Variants in WDPCP observed in about 807,000 individuals in gnomAD.
The protein encoded by WDPCP is WD repeat containing planar cell polarity effector.
Under a neutral mutation model 93.1 loss-of-function variants are expected in WDPCP, and 71 were observed. The ratio of observed to expected loss-of-function variants is 0.76; its 90% confidence interval spans 0.63 to 0.93. The LOEUF is 0.93. Among genes scored for constraint, WDPCP ranks in the 40% least tolerant of loss-of-function variants. The pLI is 0.00. For missense variants in WDPCP, 844 were observed against 887.4 expected (o/e 0.95, Z 0.62); for synonymous variants, 315 against 315.0 (o/e 1.00, Z 0.00).
chr2:63,275,916 T>G (rs756711907), intron 13 of WDPCP, among the ~76,000 whole-genome samples: 10 of 147,828 alleles, frequency 6.8e-5, no homozygotes, highest in Non-Finnish European at 3.0e-5. Context: ...CAAGAACTAC[T>G]GCAAGAACAT....
At chr2:63,648,256 C>T (rs1338709091) in intron 3 of WDPCP, among the ~76,000 whole-genome samples, 1 of 152,176 alleles carries the variant, frequency 6.6e-6, no homozygotes, top group African/African-American at 2.4e-5. Context: ...TCCTCACTAT[C>T]TAGCCACTCT....
chr2:63,755,201 T>C (rs983762868), intron 2 of WDPCP, among the ~76,000 whole-genome samples: 5 of 152,208 alleles, frequency 3.3e-5, no homozygotes, highest in African/African-American at 1.2e-4. Flanking sequence ...TCTTGTTCGT[T>C]ACACAGGTCT....
At chr2:63,216,771 T>C (rs1677389843) in intron 14 of WDPCP, among the ~76,000 whole-genome samples, 1 of 151,972 alleles carries the variant, frequency 6.6e-6, no homozygotes, top group Non-Finnish European at 1.5e-5. Flanking sequence ...CCAAACTTAA[T>C]TTTTTTCCTA....
chr2:63,358,679 A>G (rs973899558), intron 12 of WDPCP, among the ~76,000 whole-genome samples: 2 of 152,216 alleles, frequency 1.3e-5, no homozygotes, highest in African/African-American at 4.8e-5. Flanking sequence ...CTGGTCTTGA[A>G]CTAGTTGCCT....
intron 3 of WDPCP, among the ~76,000 whole-genome samples, chr2:63,627,427 C>T (rs1482268856): frequency 2.0e-5 from 3 of 152,228 alleles, no homozygotes; most frequent in African/African-American, 2.4e-5. Context: ...CAGAAAAGGG[C>T]GGGGTCCCTT....
chr2:63,507,252 G>A (rs1462707249), intron 1 of WDPCP, among the ~76,000 whole-genome samples: 2 of 151,412 alleles, frequency 1.3e-5, no homozygotes, highest in Non-Finnish European at 1.5e-5. Flanking sequence ...AAAGTTTGCA[G>A]AGAAGGAAAA....
chr2:63,540,750 G>T (rs1218684665), intron 1 of WDPCP, among the ~76,000 whole-genome samples: 4 of 151,514 alleles, frequency 2.6e-5, no homozygotes, highest in Non-Finnish European at 4.4e-5. Context: ...TGGTTTTTTT[G>T]TTTGTTTGTT....
chr2:63,331,960 A>G (rs1203324623), intron 12 of WDPCP, among the ~76,000 whole-genome samples: 2 of 151,860 alleles, frequency 1.3e-5, no homozygotes, highest in East Asian at 3.9e-4. Context: ...TTGTTTATAC[A>G]TTTACCAACT....
intron 17 of WDPCP, among the ~76,000 whole-genome samples, chr2:63,143,161 C>T (rs543143270): frequency 2.6e-5 from 4 of 152,190 alleles, no homozygotes; most frequent in South Asian, 2.1e-4. Flanking sequence ...AGGTTTTTAC[C>T]ATTATATAAT....
chr2:63,824,926 T>A (rs1671090033), intron 1 of WDPCP, among the ~76,000 whole-genome samples: 1 of 152,140 alleles, frequency 6.6e-6, no homozygotes, highest in Admixed American at 6.5e-5. Flanking sequence ...AATATAACAG[T>A]TAATAATTGA....
intron 13 of WDPCP, among the ~76,000 whole-genome samples, chr2:63,274,659 T>A (rs1305501160): frequency 6.6e-6 from 1 of 152,154 alleles, no homozygotes; most frequent in Non-Finnish European, 1.5e-5. Context: ...AAGGATCATC[T>A]GAGACTTTTA....
At position 63,572,372 on chromosome 2, in the gene WDPCP, G is replaced by T. The variant is rs978237475; in HGVS notation, c.75+15825C>A. On this transcript the variant is annotated intron_variant, in intron 1 of 17. Coordinates refer to ENST00000272321, the MANE Select transcript of WDPCP (RefSeq NM_015910.7). ...TTGCCCCAGATAAAAAGGGTATCCAGCTGTAAGTTATTTCTAATATGTTGT... is the reference window on the plus strand; with the variant it reads ...TTGCCCCAGATAAAAAGGGTATCCATCTGTAAGTTATTTCTAATATGTTGT... 2.6e-5 allele frequency among the ~76,000 whole-genome samples: 4 copies of T among 152,130 alleles called. No individual in the cohort carries two copies. The East Asian group carries it at 7.7e-4, about 29-fold the overall frequency.
chr2:63,378,276 A>G (rs1420001678), intron 12 of WDPCP, 110 bp downstream of exon 12: 1 of 1,408,120 alleles, frequency 7.1e-7, no homozygotes, highest in East Asian at 2.3e-5. Context: ...CTTTGAGGAG[A>G]TGGACTGTTA....
chr2:63,182,819 T>A (rs1674351555), intron 14 of WDPCP, among the ~76,000 whole-genome samples: 1 of 150,576 alleles, frequency 6.6e-6, no homozygotes. Context: ...TTGTTACTGA[T>A]TAAGTGTCAC....
chr2:63,486,478 A>G (rs1575509169), intron 4 of WDPCP, 64 bp downstream of exon 4: 3 of 1,430,112 alleles, frequency 2.1e-6, no homozygotes, highest in Non-Finnish European at 2.9e-6. Context: ...GTTCCAGATG[A>G]ATATTTTATA....
chr2:63,385,062 G>C (rs1007627665), intron 10 of WDPCP, among the ~76,000 whole-genome samples: 5 of 151,838 alleles, frequency 3.3e-5, no homozygotes, highest in Non-Finnish European at 7.4e-5. Context: ...TGAGAAAAAA[G>C]AGAAAAAACC....
chr2:63,577,443 G>C (rs1159888759), intron 1 of WDPCP, among the ~76,000 whole-genome samples: 2 of 152,116 alleles, frequency 1.3e-5, no homozygotes, highest in East Asian at 3.8e-4. Flanking sequence ...CTCTAGAAAA[G>C]AAGTGAAAAG....
intron 10 of WDPCP, among the ~76,000 whole-genome samples, chr2:63,391,599 G>A (rs186309414): frequency 3.1e-4 from 47 of 152,242 alleles, no homozygotes; most frequent in African/African-American, 1.1e-3. Flanking sequence ...AAGTCAAATT[G>A]TCCCTGTTTG....
chr2:63,614,985 A>T (rs1709657226), intron 3 of WDPCP, among the ~76,000 whole-genome samples: 1 of 152,186 alleles, frequency 6.6e-6, no homozygotes, highest in Non-Finnish European at 1.5e-5. Context: ...AAACTTTGAT[A>T]AAATAAGTTT....
Sources: allele counts gnomAD v4.1 joint callset (sites outside exome capture counted in the v4.1 genomes callset), GRCh38; gene constraint gnomAD v4.1.1; transcripts MANE v1.5; gene names NCBI Gene and HGNC (gene_info 2026-07-23, HGNC 2026-07-21).